Variants in TOX observed in about 807,000 individuals in gnomAD.
The protein encoded by TOX is thymocyte selection-associated high mobility group box protein TOX.
Under a neutral mutation model 53.7 loss-of-function variants are expected in TOX, and 11 were observed. The observed-to-expected ratio is 0.20, with a 90% confidence interval of 0.13 to 0.34. TOX has a LOEUF of 0.34. Ranked by LOEUF, TOX falls within the 10% of genes least tolerant of loss-of-function variation. TOX has a pLI of 1.00. For synonymous variants in TOX, 225 were observed against 245.3 expected, an observed-to-expected ratio of 0.92 and a Z score of 0.77; for missense variants, 570 against 664.6, an observed-to-expected ratio of 0.86 and a Z score of 1.56.
chr8:58,815,145 G>A (rs540415596), intron 7 of TOX, among the ~76,000 whole-genome samples, 193 bp downstream of exon 7: 8 of 152,316 alleles, frequency 5.3e-5, no homozygotes, highest in East Asian at 1.9e-4. Context: ...AATGCCACAC[G>A]AACTCACCAC....
chr8:59,084,305 T>C (rs1034882546), intron 1 of TOX, among the ~76,000 whole-genome samples: 1 of 152,096 alleles, frequency 6.6e-6, no homozygotes, highest in African/African-American at 2.4e-5. Flanking sequence ...TATGACTCTT[T>C]AAAAACAAAG....
At chr8:59,081,553 T>C (rs1446935369) in intron 1 of TOX, among the ~76,000 whole-genome samples, 2 of 152,194 alleles carry the variant, frequency 1.3e-5, no homozygotes, top group Non-Finnish European at 2.9e-5. Flanking sequence ...AAGTTTCACA[T>C]TGTGATTGCA....
intron 3 of TOX, among the ~76,000 whole-genome samples, chr8:58,891,823 T>C (rs909151534): frequency 6.6e-6 from 1 of 152,208 alleles, no homozygotes; most frequent in African/African-American, 2.4e-5. Flanking sequence ...AGTGTAGCTG[T>C]TTCTGCTTTA....
At chr8:58,890,352 T>G (rs921351239) in intron 3 of TOX, among the ~76,000 whole-genome samples, 2 of 152,104 alleles carry the variant, frequency 1.3e-5, no homozygotes, top group Non-Finnish European at 2.9e-5. Flanking sequence ...CTATGTCCAC[T>G]TGAGAGCATC....
chr8:58,908,423 C>T (rs1811855661), intron 3 of TOX, among the ~76,000 whole-genome samples: 1 of 152,180 alleles, frequency 6.6e-6, no homozygotes, highest in African/African-American at 2.4e-5. Flanking sequence ...CTGTTCTTAC[C>T]TCTGTGCCTT....
chr8:58,970,184 T>G (rs1812977118), intron 1 of TOX, among the ~76,000 whole-genome samples: 1 of 152,198 alleles, frequency 6.6e-6, no homozygotes, highest in Non-Finnish European at 1.5e-5. Context: ...CACGTTGTTT[T>G]ACCAGTAAGA....
rs147186607 is a variant in TOX at position 58,842,377 on chromosome 8, G to C, written c.694-4066C>G. 1.8e-3 allele frequency among the ~76,000 whole-genome samples: 281 copies of C among 152,234 alleles called. 2 individuals are homozygous for C. The highest frequency in any genetic ancestry group is 6.2e-3 in the African/African-American group (256 of 41,520). ...TTTCTCTGTCATACATGTGCTCTTT[G>C]TCCTTCTGCTTTCTACCATGGGATG... On this transcript the variant is annotated intron_variant, in intron 4 of 8. Coordinates refer to ENST00000361421, the MANE Select transcript of TOX (RefSeq NM_014729.3).
chr8:59,067,540 T>A (rs1804115871), intron 1 of TOX, among the ~76,000 whole-genome samples: 1 of 152,008 alleles, frequency 6.6e-6, no homozygotes, highest in Admixed American at 6.6e-5. Context: ...GGAGACAGAG[T>A]GAGACTCTGT....
intron 2 of TOX, among the ~76,000 whole-genome samples, chr8:58,955,483 A>G (rs1812694943): frequency 6.6e-6 from 1 of 152,212 alleles, no homozygotes; most frequent in Admixed American, 6.5e-5. Context: ...CCAAGGTCCA[A>G]GAGGAAGTGA....
At chr8:58,847,563 C>T (rs1168775285) in intron 4 of TOX, among the ~76,000 whole-genome samples, 4 of 151,966 alleles carry the variant, frequency 2.6e-5, no homozygotes, top group Admixed American at 6.6e-5. Flanking sequence ...TATTCATCCC[C>T]TGAGAATAAC....
chr8:58,818,306 T>C (rs1023358260), intron 6 of TOX, among the ~76,000 whole-genome samples: 2 of 152,198 alleles, frequency 1.3e-5, no homozygotes, highest in African/African-American at 4.8e-5. Flanking sequence ...CCAAAGATAA[T>C]GATTCAGACA....
chr8:59,082,998 T>C (rs979792674), intron 1 of TOX, among the ~76,000 whole-genome samples: 4 of 152,102 alleles, frequency 2.6e-5, no homozygotes, highest in African/African-American at 7.2e-5. Flanking sequence ...GTATTCCCAC[T>C]GAAGAGGCTG....
intron 8 of TOX, 26 bp downstream of exon 8, chr8:58,808,092 C>A: frequency 6.3e-7 from 1 of 1,599,822 alleles, no homozygotes; most frequent in South Asian, 1.1e-5. Flanking sequence ...CTGTCCACCA[C>A]CAGGTGGCGA....
rs116052994 is a variant in TOX at position 58,959,849 on chromosome 8, G to A, written c.168+94C>T. On this transcript the variant is annotated intron_variant, in intron 2 of 8. Coordinates refer to ENST00000361421, the MANE Select transcript of TOX (RefSeq NM_014729.3). ...ATAAATTATGATTATTCCTGATTGC[G>A]GCAGTTACTGATAGTGCTACTCATT... The A allele has an allele frequency of 3.9e-3, 4,783 of 1,238,924 alleles. 101 individuals are homozygous for A. The African/African-American group carries it at 0.056, about 15-fold the overall frequency. 76.7% of individuals were successfully genotyped at this position (1,238,924 alleles called of 1,614,324 possible).
At chr8:58,977,246 T>C (rs1042846735) in intron 1 of TOX, among the ~76,000 whole-genome samples, 2 of 152,226 alleles carry the variant, frequency 1.3e-5, no homozygotes, top group African/African-American at 4.8e-5. Flanking sequence ...GTTATGAAAA[T>C]AACTATGTTT....
chr8:58,894,483 A>G (rs902475958), intron 3 of TOX, among the ~76,000 whole-genome samples: 3 of 152,206 alleles, frequency 2.0e-5, no homozygotes, highest in African/African-American at 7.2e-5. Flanking sequence ...TAGGAGAAAG[A>G]GCTAAATTAA....
In TOX at chr8:59,047,203, G is replaced by GTTTTT. The variant is rs10551461; in HGVS notation, c.102+71678_102+71682dup. Among the ~76,000 whole-genome samples the GTTTTT allele has an allele frequency of 1.4e-3, 63 of 44,692 alleles. 1 individual carries two copies. The highest frequency in any genetic ancestry group is 2.1e-3 in the Non-Finnish European group (53 of 25,042). 29.3% of individuals were successfully genotyped at this position (44,692 alleles called of 152,430 possible). Reference sequence around the variant, plus strand: ...TTATTGAACAATTCCACCAAGAATTGTTTTTTTTTTTTTTTTTTTTTTTTT... The same window carrying GTTTTT: ...TTATTGAACAATTCCACCAAGAATTGTTTTTTTTTTTTTTTTTTTTTTTTTTTTTT... On this transcript the variant is annotated intron_variant, in intron 1 of 8. Transcript: ENST00000361421.
At position 58,838,272 on chromosome 8, in the gene TOX, T is replaced by C; in HGVS notation, c.733A>G (p.Lys245Glu). ...GEKRPASDMG[K>E]KPKTPKKKKK... ...TTCTTTTTGGGAGTTTTTGGTTTTT[T>C]CCCCATATCAGAGGCAGGCCGCTTC... Residue 245 changes from lysine to glutamate, a missense_variant, in exon 5 of 9, where the codon AAA becomes GAA. Around this residue, in one of 3 missense-constraint regions of TOX, gnomAD observed 282 missense variants for 315.0 expected, o/e 0.90. Coordinates refer to ENST00000361421, the MANE Select transcript of TOX (RefSeq NM_014729.3). The C allele has an allele frequency of 2.5e-6, 4 of 1,614,012 alleles. No individual in the cohort carries two copies. Among genetic ancestry groups the C allele is most frequent in the Non-Finnish European group, 3.4e-6 (4 of 1,179,984 alleles).
At chr8:59,009,621 C>G (rs1813862290) in intron 1 of TOX, among the ~76,000 whole-genome samples, 1 of 152,134 alleles carries the variant, frequency 6.6e-6, no homozygotes, top group African/African-American at 2.4e-5. Context: ...GATAAGCTCA[C>G]CACGACTCCC....
Sources: gnomAD v4.1 joint callset for allele counts (sites outside exome capture counted in the v4.1 genomes callset) on GRCh38, gnomAD v4.1.1 for gene constraint, gnomAD v4.1.1 regional missense constraint, MANE v1.5 for transcripts, NCBI Gene and HGNC (gene_info 2026-07-23, HGNC 2026-07-21) for gene names.